The following PIP variants were observed in gnomAD, a reference collection of about 807,000 sequenced individuals.
PIP encodes the protein prolactin induced protein.
Under a neutral mutation model 12.8 loss-of-function variants are expected in PIP, and 9 were observed. The observed-to-expected ratio is 0.70, with a 90% CI of 0.42 to 1.23. The LOEUF (loss-of-function observed/expected upper bound fraction) is 1.23. PIP is among the 50% of genes most tolerant of loss of function. The pLI, the probability that PIP is intolerant of heterozygous loss-of-function variation, is 0.00. For synonymous variants in PIP, 60 were observed against 66.1 expected (o/e 0.91, Z 0.45); for missense variants, 172 against 179.5 (o/e 0.96, Z 0.24).
At chr7:143,138,027 C>T (rs767529298) in intron 2 of PIP, among the ~76,000 whole-genome samples, 10 of 151,978 alleles carry the variant, frequency 6.6e-5, no homozygotes, top group Admixed American at 1.3e-4. Context: ...TAGGTCTGAA[C>T]GGCTACTTGA....
chr7:143,134,547 G>A (rs548326563), intron 1 of PIP, among the ~76,000 whole-genome samples: 4 of 151,664 alleles, frequency 2.6e-5, no homozygotes, highest in South Asian at 4.2e-4. Flanking sequence ...TTTTGATTAC[G>A]GCCATTCTTG....
intron 1 of PIP, among the ~76,000 whole-genome samples, chr7:143,133,285 G>A (rs1054643511): frequency 1.3e-5 from 2 of 151,940 alleles, no homozygotes; most frequent in South Asian, 4.1e-4. Flanking sequence ...TTAGTCACTC[G>A]AACTAAGCTG....
intron 1 of PIP, among the ~76,000 whole-genome samples, chr7:143,132,931 G>A (rs1799259115): frequency 6.6e-6 from 1 of 152,030 alleles, no homozygotes; most frequent in African/African-American, 2.4e-5. Context: ...TTATAATGCT[G>A]GGTTTCTGGG....
At chr7:143,138,935 T>C (rs1339244154) in intron 2 of PIP, 140 bp from the exon 3 acceptor site, 1 of 633,706 alleles carries the variant, frequency 1.6e-6, no homozygotes, top group African/African-American at 1.8e-5. Context: ...GAAATGATAC[T>C]ACAACAGTAG....
In PIP at chr7:143,139,096, A is replaced by T. The variant is rs1182164511; in HGVS notation, c.223A>T (p.Ser75Cys). ...CMVVKTYLISSIPLQGAFNYK... is the reference protein window; with the variant it reads ...CMVVKTYLISCIPLQGAFNYK... ...CCAGGTTAAAACTTACCTCATTAGC[A>T]GCATCCCTCTACAAGGTGCATTTAA... The change falls in exon 3 of 4, where the codon AGC becomes TGC. Residue 75 changes from serine (S) to cysteine (C), a missense_variant. Physicochemically the swap from Ser to Cys is moderately radical, Grantham distance 112. Transcript: ENST00000291009. 1 of 1,584,612 alleles carries T rather than the reference A, an allele frequency of 6.3e-7. No individual in the cohort carries two copies. Among genetic ancestry groups the T allele is most frequent in the African/African-American group, 1.3e-5 (1 of 74,558 alleles).
rs138548892 is a variant in PIP at position 143,139,478 on chromosome 7, G to A, written c.317-40G>A. 33 of 1,607,666 alleles carry A rather than the reference G, an allele frequency of 2.1e-5. 1 individual carries two copies. The highest frequency in any genetic ancestry group is 1.7e-4 in the Middle Eastern group (1 of 6,046). The stretch of plus-strand genomic sequence containing the variant: ...TGAGTAGAAAAGACAGGACATGGCC[G>A]GGGTGTCTGAGAGATGATCTCCGTC... On this transcript the variant is annotated intron_variant, in intron 3 of 3. Coordinates refer to ENST00000291009, the MANE Select transcript of PIP (RefSeq NM_002652.3).
chr7:143,134,108 A>G (rs948289500), intron 1 of PIP, among the ~76,000 whole-genome samples: 2 of 148,114 alleles, frequency 1.4e-5, no homozygotes, highest in African/African-American at 5.0e-5. Flanking sequence ...TTAGAATAAT[A>G]GTCTCCAATC....
rs60656573 is a variant in PIP at position 143,134,183 on chromosome 7, C to CATATAT, written c.96-965_96-960dup. On this transcript the variant is annotated intron_variant, in intron 1 of 3. Transcript: ENST00000291009. ...TTATGGCTGAGTAGTAGTATTCCAT[C>CATATAT]ATATATATATATATATATATATATA... Among the ~76,000 whole-genome samples, 146 of 41,640 alleles carry CATATAT rather than the reference C, an allele frequency of 3.5e-3. 2 individuals are homozygous for CATATAT. Among genetic ancestry groups the CATATAT allele is most frequent in the Non-Finnish European group, 3.7e-3 (87 of 23,290 alleles). The allele number at this position is 41,640 out of a possible 152,430, so 27.3% of individuals were successfully genotyped here.
chr7:143,139,301 G>T, intron 3 of PIP, 112 bp downstream of exon 3: 1 of 841,744 alleles, frequency 1.2e-6, no homozygotes, highest in Admixed American at 1.8e-5. Flanking sequence ...CAGGGCAGAA[G>T]GACAGAAGGG....
intron 2 of PIP, among the ~76,000 whole-genome samples, chr7:143,137,917 A>G (rs28517794): frequency 0.12 from 18,063 of 150,526 alleles, 1,686 homozygotes; most frequent in African/African-American, 0.25. Flanking sequence ...AAAAAAAAAA[A>G]GGGAAACAAG....
intron 1 of PIP, among the ~76,000 whole-genome samples, chr7:143,134,375 C>A (rs1439715149): frequency 1.3e-5 from 2 of 150,216 alleles, no homozygotes; most frequent in Non-Finnish European, 3.0e-5. Context: ...GGGTAGATAC[C>A]CAGTAGTGGG....
chr7:143,134,704 T>C (rs1462905876), intron 1 of PIP, among the ~76,000 whole-genome samples: 2 of 151,998 alleles, frequency 1.3e-5, no homozygotes. Context: ...CCAGAGCCTG[T>C]AGGATGTTAT....
rs754544281 is a variant in PIP, at chr7:143,132,096, T to C, written c.-21T>C. 5.6e-6 allele frequency: 9 copies of C among 1,612,520 alleles called. No homozygotes were observed. The highest frequency in any genetic ancestry group is 2.2e-5 in the East Asian group (1 of 44,868). ...TGGGACACCACTTCTCTGGGACACA[T>C]TGCCTTCTGTTTTCTCCAGCATGCG... is the stretch of plus-strand genomic sequence containing the variant. On this transcript the variant is annotated 5_prime_UTR_variant, in exon 1 of 4. Transcript: ENST00000291009.
chr7:143,136,842 A>C (rs1442445795), intron 2 of PIP, among the ~76,000 whole-genome samples: 1 of 152,018 alleles, frequency 6.6e-6, no homozygotes, highest in Non-Finnish European at 1.5e-5. Flanking sequence ...TAAAAGAATA[A>C]GAAATCTTTA....
At chr7:143,138,998 T>C (rs1261039868) in intron 2 of PIP, 77 bp from the exon 3 acceptor site, 14 of 799,772 alleles carry the variant, frequency 1.8e-5, no homozygotes, top group Admixed American at 6.9e-5. Flanking sequence ...CTCCGGCTTT[T>C]CCCTCTCCTA....
chr7:143,134,541 G>T (rs944166804), intron 1 of PIP, among the ~76,000 whole-genome samples: 5 of 151,590 alleles, frequency 3.3e-5, no homozygotes, highest in African/African-American at 9.7e-5. Flanking sequence ...ATGATTTTTT[G>T]ATTACGGCCA....
chr7:143,137,719 G>A (rs909228321), intron 2 of PIP, among the ~76,000 whole-genome samples: 4 of 152,080 alleles, frequency 2.6e-5, no homozygotes, highest in Non-Finnish European at 5.9e-5. Context: ...GGCCAACATG[G>A]TGAAACCCTG....
rs764041019 is a variant in PIP, at chr7:143,139,635, T to C, written c.434T>C (p.Val145Ala). Residue 145 changes from valine to alanine, a missense_variant, in exon 4 of 4, where the codon GTA becomes GCA. Physicochemically the swap from Val to Ala is moderately conservative, Grantham distance 64 (BLOSUM62 0). Transcript: ENST00000291009. ...NRFYTIEILK[V>A]E ...TTTTATACTATTGAAATCCTAAAGGTAGAATAATGGAAGCCCTGTCTGTTT... is the reference window on the plus strand; with the variant it reads ...TTTTATACTATTGAAATCCTAAAGGCAGAATAATGGAAGCCCTGTCTGTTT... 6.2e-7 allele frequency: 1 copy of C among 1,609,356 alleles called. No individual in the cohort carries two copies. Among genetic ancestry groups the C allele is most frequent in the Non-Finnish European group, 8.5e-7 (1 of 1,176,126 alleles).
intron 2 of PIP, among the ~76,000 whole-genome samples, chr7:143,137,156 A>G (rs1799317789): frequency 6.6e-6 from 1 of 152,064 alleles, no homozygotes; most frequent in Non-Finnish European, 1.5e-5. Context: ...AATCCTTTAA[A>G]GCTGAAGGAA....
Sources: allele counts gnomAD v4.1 joint callset (sites outside exome capture counted in the v4.1 genomes callset), GRCh38; gene constraint gnomAD v4.1.1; transcripts MANE v1.5; gene names NCBI Gene and HGNC (gene_info 2026-07-23, HGNC 2026-07-21).